The following NCAM2 variants were observed in gnomAD, a reference collection of about 807,000 sequenced individuals.
NCAM2 encodes neural cell adhesion molecule 2, also known as N-CAM-2.
Under a neutral mutation model 98.1 loss-of-function variants are expected in NCAM2, and 30 were observed. That is an observed-to-expected ratio of 0.31 (90% CI 0.23 to 0.41). NCAM2 has a LOEUF of 0.41. Among genes scored for constraint, NCAM2 ranks in the 10% least tolerant of loss-of-function variants. The pLI is 1.00. For missense variants in NCAM2, 867 were observed against 1,005.8 expected, an observed-to-expected ratio of 0.86 and a Z score of 1.87; for synonymous variants, 368 against 342.4, an observed-to-expected ratio of 1.07 and a Z score of -0.83.
At chr21:21,146,505 G>A (rs916324619) in intron 1 of NCAM2, among the ~76,000 whole-genome samples, 1 of 148,392 alleles carries the variant, frequency 6.7e-6, no homozygotes. Context: ...ATATATATGT[G>A]TATGTGTGTG....
chr21:21,381,242 T>C (rs1013727661), intron 9 of NCAM2, among the ~76,000 whole-genome samples: 7 of 152,186 alleles, frequency 4.6e-5, no homozygotes, highest in African/African-American at 7.2e-5. Flanking sequence ...AAGACCATCC[T>C]CATCTCTGAG....
At chr21:21,473,955 C>T (rs1984817065) in intron 14 of NCAM2, among the ~76,000 whole-genome samples, 1 of 149,306 alleles carries the variant, frequency 6.7e-6, no homozygotes, top group South Asian at 2.1e-4. Flanking sequence ...AGGCAAATGA[C>T]CATTTTTTTT....
At chr21:21,487,868 G>A (rs1424218049) in intron 15 of NCAM2, among the ~76,000 whole-genome samples, 1 of 152,096 alleles carries the variant, frequency 6.6e-6, no homozygotes, top group Non-Finnish European at 1.5e-5. Context: ...GTATTCTTAC[G>A]TGGAAAAACC....
chr21:21,034,305 C>CA (rs904418563), intron 1 of NCAM2, among the ~76,000 whole-genome samples: 2 of 151,816 alleles, frequency 1.3e-5, no homozygotes, highest in African/African-American at 4.8e-5. Flanking sequence ...TAGGAGCATA[C>CA]AAAAAAAGGT....
Position 21,464,744 on chromosome 21 carries a change from A to G in NCAM2, c.1655-1862A>G, listed in dbSNP as rs569361256. Among the ~76,000 whole-genome samples the G allele has an allele frequency of 3.9e-5, 6 of 152,222 alleles. No homozygotes were observed. The East Asian group carries it at 7.7e-4, about 20-fold the overall frequency. On this transcript the variant is annotated intron_variant, in intron 12 of 17. Coordinates refer to ENST00000400546, the MANE Select transcript of NCAM2 (RefSeq NM_004540.5). ...AATCTATATAAACAACTCTTTATCTATGCACTCAGCTTCTCTTCAGTGTAA... is the reference window on the plus strand; with the variant it reads ...AATCTATATAAACAACTCTTTATCTGTGCACTCAGCTTCTCTTCAGTGTAA...
chr21:21,024,491 G>C (rs1326135641), intron 1 of NCAM2, among the ~76,000 whole-genome samples: 1 of 152,096 alleles, frequency 6.6e-6, no homozygotes, highest in Admixed American at 6.5e-5. Context: ...ATCCCTTAAA[G>C]GTATAAATGA....
At position 21,005,286 on chromosome 21, in the gene NCAM2, A is replaced by G. The variant is rs77324940; in HGVS notation, c.55+6668A>G. Among the ~76,000 whole-genome samples the G allele has an allele frequency of 3.9e-5, 6 of 152,340 alleles. No homozygotes were observed. The East Asian group carries it at 5.8e-4, about 15-fold the overall frequency. ...AAAGCAAAAGAAGTGGACGTGGCAC[A>G]TGTGTCTATGGAAGACTTAATAGGA... On this transcript the variant is annotated intron_variant, in intron 1 of 17. Coordinates refer to ENST00000400546, the MANE Select transcript of NCAM2 (RefSeq NM_004540.5).
At chr21:21,280,836 C>T (rs928374801) in intron 2 of NCAM2, among the ~76,000 whole-genome samples, 184 bp downstream of exon 2, 13 of 152,030 alleles carry the variant, frequency 8.6e-5, no homozygotes, top group Admixed American at 2.6e-4. Flanking sequence ...GACTGGAGGG[C>T]GGTAGTGTGA....
chr21:21,394,809 A>C (rs2076466788), intron 9 of NCAM2, among the ~76,000 whole-genome samples: 1 of 152,108 alleles, frequency 6.6e-6, no homozygotes, highest in African/African-American at 2.4e-5. Flanking sequence ...AATCTATTAC[A>C]ATAGATATAA....
chr21:21,081,865 AC>A (rs1170443729), intron 1 of NCAM2, among the ~76,000 whole-genome samples: 2 of 69,248 alleles, frequency 2.9e-5, no homozygotes, highest in Non-Finnish European at 5.4e-5. Context: ...GAGCTAAAAA[AC>A]AAACAAACAC....
chr21:21,058,240 G>GCTCCCACT (rs2065253585), intron 1 of NCAM2, among the ~76,000 whole-genome samples: 1 of 150,548 alleles, frequency 6.6e-6, no homozygotes, highest in Admixed American at 6.6e-5. Flanking sequence ...ACAGCAGTTT[G>GCTCCCACT]CTCCCACTTT....
At chr21:21,191,953 G>T (rs1002218839) in intron 1 of NCAM2, among the ~76,000 whole-genome samples, 9 of 152,108 alleles carry the variant, frequency 5.9e-5, no homozygotes, top group Admixed American at 3.9e-4. Context: ...TGGGTGCGGT[G>T]GCTCATCCCT....
Position 21,498,701 on chromosome 21 carries a change from A to G in NCAM2, c.2078-10150A>G, listed in dbSNP as rs191673966. 5.9e-5 allele frequency among the ~76,000 whole-genome samples: 9 copies of G among 152,356 alleles called. No homozygotes were observed. The East Asian group carries it at 1.7e-3, about 29-fold the overall frequency. ...ATACCAGAGTAAAAGATTAGAACACAAAAGAAGTACAGTATTTATTTTGGG... is the reference window on the plus strand; with the variant it reads ...ATACCAGAGTAAAAGATTAGAACACGAAAGAAGTACAGTATTTATTTTGGG... On this transcript the variant is annotated intron_variant, in intron 15 of 17. Coordinates refer to ENST00000400546, the MANE Select transcript of NCAM2 (RefSeq NM_004540.5).
chr21:21,282,847 C>A (rs1362738484), intron 2 of NCAM2, among the ~76,000 whole-genome samples: 1 of 151,472 alleles, frequency 6.6e-6, no homozygotes, highest in African/African-American at 2.4e-5. Flanking sequence ...TGAAAGAAAA[C>A]AATTATAACA....
chr21:21,030,413 A>G (rs985880707), intron 1 of NCAM2, among the ~76,000 whole-genome samples: 2 of 152,194 alleles, frequency 1.3e-5, no homozygotes, highest in Non-Finnish European at 1.5e-5. Flanking sequence ...TTACTGTTCT[A>G]TAGGTCAGAA....
At chr21:21,382,918 C>T (rs1395424388) in intron 9 of NCAM2, among the ~76,000 whole-genome samples, 1 of 151,858 alleles carries the variant, frequency 6.6e-6, no homozygotes. Flanking sequence ...CCTATAGTTT[C>T]ATCCATTTCA....
chr21:21,365,277 A>C (rs1602116699), intron 8 of NCAM2, among the ~76,000 whole-genome samples: 1 of 110,194 alleles, frequency 9.1e-6, no homozygotes, highest in African/African-American at 3.1e-5. Flanking sequence ...GTGTGTAAAA[A>C]CAATGCAAGG....
At chr21:21,157,085 A>C (rs1182736741) in intron 1 of NCAM2, among the ~76,000 whole-genome samples, 1 of 152,072 alleles carries the variant, frequency 6.6e-6, no homozygotes, top group Non-Finnish European at 1.5e-5. Context: ...AGACTGTGTA[A>C]GATGCCTGCC....
chr21:21,200,880 C>T (rs879521262), intron 1 of NCAM2, among the ~76,000 whole-genome samples: 2 of 149,830 alleles, frequency 1.3e-5, no homozygotes, highest in African/African-American at 4.9e-5. Flanking sequence ...TTGTCTGATA[C>T]TTTTCTAACC....
Sources: gnomAD v4.1 joint callset for allele counts (sites outside exome capture counted in the v4.1 genomes callset) on GRCh38, gnomAD v4.1.1 for gene constraint, MANE v1.5 for transcripts, NCBI Gene and HGNC (gene_info 2026-07-23, HGNC 2026-07-21) for gene names.